SLC24A2: variants seen among roughly 807,000 people sequenced by gnomAD.
SLC24A2 encodes the protein solute carrier family 24 member 2.
Under a neutral mutation model 62.0 loss-of-function variants are expected in SLC24A2, and 36 were observed. The observed-to-expected ratio is 0.58, with a 90% CI of 0.44 to 0.77. The LOEUF is 0.77. SLC24A2 is among the 30% of genes least tolerant of loss of function. The pLI is 0.00. For synonymous variants in SLC24A2, 358 were observed against 294.0 expected, an observed-to-expected ratio of 1.22 and a Z score of -2.23; for missense variants, 846 against 817.9, an observed-to-expected ratio of 1.03 and a Z score of -0.42.
the SLC24A2 span, among the ~76,000 whole-genome samples, chr9:20,208,788 C>G: frequency 1.3e-5 from 2 of 152,196 alleles, no homozygotes; most frequent in Non-Finnish European, 2.9e-5. Context: ...TACGGGAAAA[C>G]CCGTTCTGGA....
At chr9:19,914,725 A>C in the SLC24A2 span, among the ~76,000 whole-genome samples, 11 of 152,128 alleles carry the variant, frequency 7.2e-5, no homozygotes, top group African/African-American at 2.6e-4. Flanking sequence ...ATCTCGTTTG[A>C]ACCATATAAT....
At chr9:19,775,519 G>C (rs1161589030) in intron 2 of SLC24A2, among the ~76,000 whole-genome samples, 1 of 152,228 alleles carries the variant, frequency 6.6e-6, no homozygotes, top group African/African-American at 2.4e-5. Flanking sequence ...GACATAGATG[G>C]TGTGTGTGCT....
At chr9:19,550,327 A>G in intron 7 of SLC24A2, 59 bp from the exon 8 acceptor site, 2 of 1,560,542 alleles carry the variant, frequency 1.3e-6, no homozygotes, top group Non-Finnish European at 1.8e-6. Context: ...ACACAGGCAC[A>G]ACAACAGGAG....
At chr9:20,181,333 G>A in the SLC24A2 span, among the ~76,000 whole-genome samples, 51 of 152,134 alleles carry the variant, frequency 3.4e-4, no homozygotes, top group East Asian at 8.7e-3. Flanking sequence ...CACCAGCACT[G>A]TCATCCTGCT....
At position 19,702,926 on chromosome 9, in the gene SLC24A2, T is replaced by C. The variant is rs144994147; in HGVS notation, c.931-80627A>G. On this transcript the variant is annotated intron_variant, in intron 2 of 10. Coordinates refer to ENST00000341998, the MANE Select transcript of SLC24A2 (RefSeq NM_020344.4). Reference sequence around the variant, plus strand: ...CATCATGTTGTGCACCATAAATATATACATTTATATTTGCAAATAAAAAAT... The same window carrying C: ...CATCATGTTGTGCACCATAAATATACACATTTATATTTGCAAATAAAAAAT... Among the ~76,000 whole-genome samples the C allele has an allele frequency of 5.9e-5, 9 of 151,646 alleles. No homozygotes were observed. The East Asian group carries it at 1.7e-3, about 29-fold the overall frequency.
chr9:19,897,914 G>A, the SLC24A2 span, among the ~76,000 whole-genome samples: 1 of 152,062 alleles, frequency 6.6e-6, no homozygotes, highest in Admixed American at 6.5e-5. Flanking sequence ...TTTTTACCAC[G>A]CGTGTTATTC....
the SLC24A2 span, among the ~76,000 whole-genome samples, chr9:19,877,905 A>AT: frequency 6.3e-4 from 96 of 152,032 alleles, no homozygotes; most frequent in South Asian, 1.0e-2. Flanking sequence ...TCTCATCCTT[A>AT]TTTTCTTATT....
At chr9:20,302,368 T>G in the SLC24A2 span, among the ~76,000 whole-genome samples, 1 of 152,376 alleles carries the variant, frequency 6.6e-6, no homozygotes, top group African/African-American at 2.4e-5. Flanking sequence ...TGAGAGCTCC[T>G]GTTGCTTCCC....
intron 2 of SLC24A2, among the ~76,000 whole-genome samples, chr9:19,709,290 C>T (rs35544670): frequency 0.27 from 41,555 of 151,272 alleles, 5,667 homozygotes; most frequent in African/African-American, 0.32. Context: ...AATAGGAACA[C>T]TTTCACACTG....
At chr9:19,917,725 T>G in the SLC24A2 span, among the ~76,000 whole-genome samples, 4 of 152,056 alleles carry the variant, frequency 2.6e-5, no homozygotes, top group Non-Finnish European at 4.4e-5. Context: ...TTGTCTCATA[T>G]CTATATCTTG....
At chr9:19,904,275 G>C in the SLC24A2 span, among the ~76,000 whole-genome samples, 1 of 152,320 alleles carries the variant, frequency 6.6e-6, no homozygotes, top group Admixed American at 6.5e-5. Flanking sequence ...CAGTGATCTA[G>C]AAGAGATTGT....
the SLC24A2 span, among the ~76,000 whole-genome samples, chr9:20,108,068 C>G: frequency 2.0e-5 from 3 of 152,166 alleles, no homozygotes; most frequent in Admixed American, 2.0e-4. Context: ...CAAAAGAAGA[C>G]ATTTATACAG....
At chr9:19,564,753 T>G (rs1332887029) in intron 7 of SLC24A2, among the ~76,000 whole-genome samples, 1 of 152,178 alleles carries the variant, frequency 6.6e-6, no homozygotes, top group East Asian at 1.9e-4. Flanking sequence ...GGACACAGTT[T>G]TTAAAAGTTG....
chr9:20,109,439 T>A, the SLC24A2 span, among the ~76,000 whole-genome samples: 2 of 152,184 alleles, frequency 1.3e-5, no homozygotes, highest in South Asian at 4.1e-4. Context: ...AAACTGCAAA[T>A]GGCTTATGCC....
At chr9:20,164,664 G>T in the SLC24A2 span, among the ~76,000 whole-genome samples, 1 of 151,676 alleles carries the variant, frequency 6.6e-6, no homozygotes, top group Non-Finnish European at 1.5e-5. Context: ...AAATCATGCT[G>T]CTATAAAGAC....
intron 8 of SLC24A2, among the ~76,000 whole-genome samples, chr9:19,548,143 G>T (rs1331059780): frequency 6.6e-6 from 1 of 151,628 alleles, no homozygotes; most frequent in African/African-American, 2.4e-5. Context: ...TTATTTAAGG[G>T]CCAAGGTAAT....
In SLC24A2 at chr9:19,775,770, C is replaced by G. The variant is rs545141856; in HGVS notation, c.930+10167G>C. On this transcript the variant is annotated intron_variant, in intron 2 of 10. Transcript: ENST00000341998. Reference sequence around the variant, plus strand: ...CCCTTCCTCTAGGCAGCCACAGTCCCACATCAGTGCATTCCGCTCATTCAG... The same window carrying G: ...CCCTTCCTCTAGGCAGCCACAGTCCGACATCAGTGCATTCCGCTCATTCAG... Among the ~76,000 whole-genome samples, 4 of 152,310 alleles carry G rather than the reference C, an allele frequency of 2.6e-5. No homozygotes were observed. The East Asian group carries it at 5.8e-4, about 22-fold the overall frequency.
At chr9:20,127,744 G>C in the SLC24A2 span, among the ~76,000 whole-genome samples, 4 of 152,254 alleles carry the variant, frequency 2.6e-5, no homozygotes, top group East Asian at 1.9e-4. Context: ...GTCATGGCAA[G>C]AAGTGCTAAC....
chr9:19,762,467 T>C (rs978140500), intron 2 of SLC24A2, among the ~76,000 whole-genome samples: 8 of 152,204 alleles, frequency 5.3e-5, no homozygotes, highest in Non-Finnish European at 1.0e-4. Flanking sequence ...CTTTAATCCA[T>C]CTTGAGTTAA....
Sources: allele counts gnomAD v4.1 joint callset (sites outside exome capture counted in the v4.1 genomes callset), GRCh38; gene constraint gnomAD v4.1.1; transcripts MANE v1.5; gene names NCBI Gene and HGNC (gene_info 2026-07-23, HGNC 2026-07-21).